The following ZNF804B variants were observed in gnomAD, a reference collection of about 807,000 sequenced individuals.
The protein encoded by ZNF804B is zinc finger protein 804B.
In ZNF804B, 80 loss-of-function variants were observed where a neutral mutation model predicts 101.4. The ratio of observed to expected loss-of-function variants is 0.79; its 90% CI spans 0.66 to 0.95. ZNF804B has a LOEUF of 0.95. Ranked by LOEUF, ZNF804B falls within the 40% of genes least tolerant of loss-of-function variation. The pLI, the probability that ZNF804B is intolerant of heterozygous loss-of-function variation, is 0.00. For synonymous variants in ZNF804B, 622 were observed against 558.8 expected (o/e 1.11, Z -1.59); for missense variants, 1,673 against 1,561.9 (o/e 1.07, Z -1.20).
chr7:88,873,299 A>ACC (rs1562819030), intron 1 of ZNF804B, among the ~76,000 whole-genome samples: 2 of 152,042 alleles, frequency 1.3e-5, no homozygotes, highest in Non-Finnish European at 2.9e-5. Flanking sequence ...TGTCCTTTGC[A>ACC]CACTTTTTGA....
intron 1 of ZNF804B, among the ~76,000 whole-genome samples, chr7:89,132,556 T>C (rs1267821135): frequency 6.6e-6 from 1 of 152,016 alleles, no homozygotes; most frequent in Non-Finnish European, 1.5e-5. Flanking sequence ...TGACCTTAGG[T>C]ATTATGTCAT....
chr7:89,248,901 C>T (rs1328761561), intron 2 of ZNF804B, among the ~76,000 whole-genome samples: 1 of 151,922 alleles, frequency 6.6e-6, no homozygotes, highest in Non-Finnish European at 1.5e-5. Context: ...ACAACCACCT[C>T]ACAGTAGCAG....
intron 1 of ZNF804B, among the ~76,000 whole-genome samples, chr7:88,773,492 T>C (rs1354477754): frequency 6.6e-6 from 1 of 152,234 alleles, no homozygotes; most frequent in Non-Finnish European, 1.5e-5. Flanking sequence ...GCTGGCCATG[T>C]AGCAAAACTG....
chr7:88,802,468 C>A (rs900465126), intron 1 of ZNF804B, among the ~76,000 whole-genome samples: 1 of 151,502 alleles, frequency 6.6e-6, no homozygotes, highest in Non-Finnish European at 1.5e-5. Flanking sequence ...ACCACACTTA[C>A]TAATTGTAGT....
intron 2 of ZNF804B, among the ~76,000 whole-genome samples, chr7:89,287,852 C>T (rs1790230537): frequency 6.6e-6 from 1 of 151,502 alleles, no homozygotes; most frequent in East Asian, 1.9e-4. Flanking sequence ...AAGAACAATG[C>T]TAAAATAAGC....
At chr7:88,930,968 A>G (rs1792875818) in intron 1 of ZNF804B, among the ~76,000 whole-genome samples, 2 of 151,876 alleles carry the variant, frequency 1.3e-5, no homozygotes, top group Admixed American at 6.6e-5. Flanking sequence ...GTTAGCCATT[A>G]TATTAGCCTT....
intron 2 of ZNF804B, among the ~76,000 whole-genome samples, chr7:89,292,380 A>T (rs1790310316): frequency 6.6e-6 from 1 of 152,140 alleles, no homozygotes; most frequent in African/African-American, 2.4e-5. Flanking sequence ...TATAAATAGA[A>T]ACAAAAAAGT....
intron 1 of ZNF804B, among the ~76,000 whole-genome samples, chr7:88,931,793 A>G (rs1792890422): frequency 6.6e-6 from 1 of 151,890 alleles, no homozygotes. Flanking sequence ...TAACGAGCAA[A>G]TTATAAGAAA....
chr7:89,062,543 C>T (rs1789396321), intron 1 of ZNF804B, among the ~76,000 whole-genome samples: 1 of 151,950 alleles, frequency 6.6e-6, no homozygotes, highest in African/African-American at 2.4e-5. Flanking sequence ...TGACTATTAG[C>T]TCTTTGAAGG....
chr7:89,055,053 G>C (rs1418434357), intron 1 of ZNF804B, among the ~76,000 whole-genome samples: 1 of 152,078 alleles, frequency 6.6e-6, no homozygotes, highest in Non-Finnish European at 1.5e-5. Flanking sequence ...ACAGAGTAAT[G>C]AGTTAAAGAG....
intron 1 of ZNF804B, among the ~76,000 whole-genome samples, chr7:88,990,221 ATATAG>A (rs1257254939): frequency 6.6e-6 from 1 of 151,980 alleles, no homozygotes; most frequent in Non-Finnish European, 1.5e-5. Flanking sequence ...TACTGTAGAA[ATATAG>A]TATACTTCTT....
At chr7:89,010,707 G>A (rs960017180) in intron 1 of ZNF804B, among the ~76,000 whole-genome samples, 11 of 152,116 alleles carry the variant, frequency 7.2e-5, no homozygotes, top group African/African-American at 2.7e-4. Flanking sequence ...GTTACATGTT[G>A]TAAAGCTCTC....
At position 89,259,401 on chromosome 7, in the gene ZNF804B, G is replaced by A. The variant is rs1049766403; in HGVS notation, c.249+41106G>A. Among the ~76,000 whole-genome samples, 7 of 152,234 alleles carry A rather than the reference G, an allele frequency of 4.6e-5. No homozygotes were observed. The East Asian group carries it at 7.7e-4, about 17-fold the overall frequency. On this transcript the variant is annotated intron_variant, in intron 2 of 3. Transcript: ENST00000333190. The stretch of plus-strand genomic sequence containing the variant: ...TCTGTTGTAAATCCTGTGATGTCAC[G>A]CATAATACCTGGGTACAGTTTTCTC...
At chr7:88,854,529 T>TCCTTCCTTTCCTTCCCTTCCCTTC (rs1791521092) in intron 1 of ZNF804B, among the ~76,000 whole-genome samples, 1 of 57,920 alleles carries the variant, frequency 1.7e-5, no homozygotes, top group African/African-American at 7.3e-5. Context: ...TTCCTTCCTT[T>TCCTTCCTTTCCTTCCCTTCCCTTC]CCTTCCTTCC....
At chr7:89,052,158 G>A (rs1789216246) in intron 1 of ZNF804B, among the ~76,000 whole-genome samples, 1 of 151,272 alleles carries the variant, frequency 6.6e-6, no homozygotes. Flanking sequence ...ATTTTTTTGA[G>A]ACAAGGTCTC....
intron 1 of ZNF804B, among the ~76,000 whole-genome samples, chr7:88,829,565 A>T (rs910560909): frequency 6.6e-5 from 10 of 151,928 alleles, no homozygotes; most frequent in African/African-American, 1.9e-4. Context: ...TTTTAAAATA[A>T]TTTTTTTCTA....
chr7:88,942,124 T>G (rs961627164), intron 1 of ZNF804B, among the ~76,000 whole-genome samples: 1 of 151,862 alleles, frequency 6.6e-6, no homozygotes, highest in African/African-American at 2.4e-5. Context: ...ATGTATCTAC[T>G]CATAGTTATC....
intron 1 of ZNF804B, among the ~76,000 whole-genome samples, chr7:89,024,359 A>G (rs1366230566): frequency 2.6e-5 from 4 of 152,130 alleles, no homozygotes; most frequent in Non-Finnish European, 5.9e-5. Flanking sequence ...TACTCACTTG[A>G]TAATTTTAGC....
intron 2 of ZNF804B, among the ~76,000 whole-genome samples, chr7:89,311,677 G>T (rs968442072): frequency 1.3e-5 from 2 of 152,114 alleles, no homozygotes; most frequent in Admixed American, 6.6e-5. Flanking sequence ...TATGAACATG[G>T]CAATTAAAAG....
Sources: gnomAD v4.1 joint callset for allele counts (sites outside exome capture counted in the v4.1 genomes callset) on GRCh38, gnomAD v4.1.1 for gene constraint, MANE v1.5 for transcripts, NCBI Gene and HGNC (gene_info 2026-07-23, HGNC 2026-07-21) for gene names.